The following SUV39H1 variants were observed in gnomAD, a reference collection of about 807,000 sequenced individuals.
The protein encoded by SUV39H1 is histone-lysine N-methyltransferase SUV39H1.
For synonymous variants in SUV39H1, 141 were observed against 150.5 expected, an observed-to-expected ratio of 0.94 and a Z score of 0.46; for missense variants, 180 against 386.3, an observed-to-expected ratio of 0.47 and a Z score of 4.48.
chrX:48,700,402 C>T lies in SUV39H1; in HGVS notation c.477C>T (p.Ala159=), dbSNP rs372073546. 1 of 1,212,157 alleles carries T rather than the reference C, an allele frequency of 8.2e-7. No homozygotes were observed. The highest frequency in any genetic ancestry group is 1.1e-6 in the Non-Finnish European group (1 of 895,554). ...TGGACCTGGACGGCCCTCCGCGGGC[C>T]TTCGTGTACATCAATGAGTACCGTG... ...NEVDLDGPPR[A]FVYINEYRVG... Residue 159 remains alanine, a synonymous_variant, in exon 3 of 6, where the codon GCC becomes GCT. Coordinates refer to ENST00000376687, the MANE Select transcript of SUV39H1 (RefSeq NM_003173.4).
At chrX:48,696,131 G>A (rs2062453783), upstream of SUV39H1, among the ~76,000 whole-genome samples, 1 of 112,954 alleles carries the variant, frequency 8.9e-6, no homozygotes, top group Non-Finnish European at 1.9e-5. Flanking sequence ...CTGGTCCCAG[G>A]GCTATGGTGG....
chrX:48,699,832 G>T, intron 2 of SUV39H1, among the ~76,000 whole-genome samples: 1 of 111,634 alleles, frequency 9.0e-6, no homozygotes, highest in Middle Eastern at 4.6e-3. Context: ...TGATGGGGAA[G>T]ACCAAGGAGA....
intron 5 of SUV39H1, among the ~76,000 whole-genome samples, chrX:48,707,053 G>A (rs1557010257): frequency 9.1e-6 from 1 of 110,093 alleles, no homozygotes; most frequent in African/African-American, 3.3e-5. Flanking sequence ...CAGGTCTTTG[G>A]CAGGAGAGTT....
chrX:48,697,589 G>A (rs1035628572), intron 1 of SUV39H1, among the ~76,000 whole-genome samples: 4 of 111,594 alleles, frequency 3.6e-5, no homozygotes, highest in Admixed American at 9.4e-5. Flanking sequence ...GCACAGGCGG[G>A]CTCAGTCTCC....
At position 48,707,576 on chromosome X, in the gene SUV39H1, A is replaced by G; in HGVS notation, c.*6A>G. 5.0e-6 allele frequency: 6 copies of G among 1,211,219 alleles called. No individual in the cohort carries two copies. The highest frequency in any genetic ancestry group is 6.7e-6 in the Non-Finnish European group (6 of 895,097). The stretch of plus-strand genomic sequence containing the variant: ...GCCGCAAATACCTCTTCTAGCCCTT[A>G]GAAGTCTGAGGCCAGACTGACTGAG... On this transcript the variant is annotated 3_prime_UTR_variant, in exon 6 of 6. Coordinates refer to ENST00000376687, the MANE Select transcript of SUV39H1 (RefSeq NM_003173.4).
chrX:48,695,846 TGACA>T (rs2062452688), upstream of SUV39H1: 2 of 1,155,815 alleles, frequency 1.7e-6, no homozygotes, highest in Non-Finnish European at 2.3e-6. Flanking sequence ...GCCTGAGAAA[TGACA>T]GACTGGCTGA....
chrX:48,700,270 C>T lies in SUV39H1; in HGVS notation c.345C>T (p.Ala115=). The change falls in exon 3 of 6, where the codon GCC becomes GCT. Residue 115 remains alanine (A), a synonymous_variant. Transcript: ENST00000376687. ...CCCGGCACCTGGACCCAAGCTTGGC[C>T]AACTACCTGGTGCAGAAGGCCAAGC... is the stretch of plus-strand genomic sequence containing the variant. ...KTPRHLDPSL[A]NYLVQKAKQR... 1 of 1,209,208 alleles carries T rather than the reference C, an allele frequency of 8.3e-7. No homozygotes were observed. The highest frequency in any genetic ancestry group is 1.1e-6 in the Non-Finnish European group (1 of 894,169).
chrX:48,698,722 T>C (rs1056508564), intron 1 of SUV39H1, among the ~76,000 whole-genome samples, 180 bp from the exon 2 acceptor site: 1 of 111,908 alleles, frequency 8.9e-6, no homozygotes, highest in African/African-American at 3.3e-5. Context: ...GCAGTGAGTA[T>C]TGGGGTTCAA....
Position 48,707,397 on chromosome X carries a change from G to A in SUV39H1, c.1106-40G>A, listed in dbSNP as rs370087181. On this transcript the variant is annotated intron_variant, in intron 5 of 5. Transcript: ENST00000376687. Reference sequence around the variant, plus strand: ...TCCCTCCTTCTCCCCCTCCCTCCCTGCCTCCTTCCCTCCTCTCCTCCCTGG... The same window carrying A: ...TCCCTCCTTCTCCCCCTCCCTCCCTACCTCCTTCCCTCCTCTCCTCCCTGG... The A allele has an allele frequency of 3.6e-6, 4 of 1,115,282 alleles. No individual in the cohort carries two copies. The African/African-American group carries it at 7.6e-5, about 21-fold the overall frequency. 91.9% of individuals were successfully genotyped at this position (1,115,282 alleles called of 1,213,427 possible). A position where few individuals can be genotyped will look rare whatever the true frequency, so the allele number is the denominator to read the frequency against.
At chrX:48,696,986 A>C (rs1602183459) in intron 1 of SUV39H1, among the ~76,000 whole-genome samples, 183 bp downstream of exon 1, 1 of 97,687 alleles carries the variant, frequency 1.0e-5, no homozygotes, top group Non-Finnish European at 2.1e-5. Flanking sequence ...GGCTCAGGGG[A>C]GGGGGCGCGC....
chrX:48,698,981 C>G lies in SUV39H1; in HGVS notation c.99C>G (p.Leu33=), dbSNP rs1364465577. ...CRLAKLSCPA[L]GISKRNLYDF... ...TGGCCAAGCTCTCCTGCCCTGCCCT[C>G]GGTATCTCTAAGAGGAACCTCTATG... Residue 33 remains leucine (L), a synonymous_variant, in exon 2 of 6, where the codon CTC becomes CTG. Coordinates refer to ENST00000376687, the MANE Select transcript of SUV39H1 (RefSeq NM_003173.4). The G allele has an allele frequency of 8.3e-7, 1 of 1,210,402 alleles. No homozygotes were observed. Among genetic ancestry groups the G allele is most frequent in the East Asian group, 3.0e-5 (1 of 33,825 alleles).
Position 48,708,278 on chromosome X carries a change from T to G in SUV39H1, c.*708T>G, listed in dbSNP as rs1311616391. 1 of 117,963 alleles carries G rather than the reference T, an allele frequency of 8.5e-6. No homozygotes were observed. The highest frequency in any genetic ancestry group is 1.8e-5 in the Non-Finnish European group (1 of 56,919). The allele number at this position is 117,963 out of a possible 1,213,427, so 9.7% of individuals were successfully genotyped here. Reference sequence around the variant, plus strand: ...AAGGCAGTGCAGAGCTGGCCAGCCCTGGAGGTAGGCTGGGACCAAGCTCTG... The same window carrying G: ...AAGGCAGTGCAGAGCTGGCCAGCCCGGGAGGTAGGCTGGGACCAAGCTCTG... On this transcript the variant is annotated 3_prime_UTR_variant, in exon 6 of 6. Transcript: ENST00000376687.
chrX:48,706,765 A>G, intron 5 of SUV39H1, 138 bp downstream of exon 5: 2 of 774,448 alleles, frequency 2.6e-6, no homozygotes, highest in Non-Finnish European at 1.8e-6. Flanking sequence ...CCTGACTCCC[A>G]GTCCCCCATT....
intron 2 of SUV39H1, 40 bp from the exon 3 acceptor site, chrX:48,700,051 C>G (rs782434093): frequency 3.4e-5 from 37 of 1,101,309 alleles, no homozygotes; most frequent in Non-Finnish European, 4.2e-5. Context: ...AAAGATCTCA[C>G]TACTTACGGT....
upstream of SUV39H1, chrX:48,696,014 G>A (rs1557008500): frequency 1.5e-5 from 13 of 877,854 alleles, no homozygotes; most frequent in Non-Finnish European, 9.5e-6. Context: ...CGACAGGGCT[G>A]TATTAGATGC....
intron 3 of SUV39H1, among the ~76,000 whole-genome samples, chrX:48,702,655 G>T (rs782349243): frequency 9.0e-6 from 1 of 110,951 alleles, no homozygotes; most frequent in African/African-American, 3.3e-5. Context: ...CCTGACAGTC[G>T]AGGAGGAAGA....
chrX:48,696,748 G>A lies in SUV39H1; in HGVS notation c.-37G>A. On this transcript the variant is annotated 5_prime_UTR_variant, in exon 1 of 6. Coordinates refer to ENST00000376687, the MANE Select transcript of SUV39H1 (RefSeq NM_003173.4). ...CCCGCGCGAGCGCTCTTCTCGCGAG[G>A]CCGGCTAGGCCCGAATGTCGTTAGC... is the stretch of plus-strand genomic sequence containing the variant. 1 of 1,136,213 alleles carries A rather than the reference G, an allele frequency of 8.8e-7. No homozygotes were observed. The highest frequency in any genetic ancestry group is 1.2e-6 in the Non-Finnish European group (1 of 858,378). 93.6% of individuals were successfully genotyped at this position (1,136,213 alleles called of 1,213,427 possible). A position where few individuals can be genotyped will look rare whatever the true frequency, so the allele number is the denominator to read the frequency against.
At chrX:48,702,963 C>G (rs1455773601) in intron 3 of SUV39H1, among the ~76,000 whole-genome samples, 2 of 111,608 alleles carry the variant, frequency 1.8e-5, no homozygotes, top group East Asian at 2.8e-4. Context: ...CCTGACTGCC[C>G]GAGGCTGAAT....
chrX:48,700,866 G>GCA, intron 3 of SUV39H1, 113 bp downstream of exon 3: 1 of 946,963 alleles, frequency 1.1e-6, no homozygotes, highest in Non-Finnish European at 1.5e-6. Context: ...CTATGGGAAA[G>GCA]GCCTGGGAGA....
Sources: gnomAD v4.1 joint callset for allele counts (sites outside exome capture counted in the v4.1 genomes callset) on GRCh38, gnomAD v4.1.1 for gene constraint, MANE v1.5 for transcripts, NCBI Gene and HGNC (gene_info 2026-07-23, HGNC 2026-07-21) for gene names.